Variants in DCC observed in about 807,000 individuals in gnomAD.
DCC encodes DCC netrin 1 receptor.
DCC carries 58 observed loss-of-function variants against 172.5 expected under a neutral mutation model. The observed-to-expected ratio is 0.34, with a 90% CI of 0.27 to 0.42. The LOEUF (loss-of-function observed/expected upper bound fraction) is 0.42, where lower values mean the gene tolerates loss of function less well. Ranked by LOEUF, DCC falls within the 10% of genes least tolerant of loss-of-function variation. The probability of loss-of-function intolerance (pLI) is 1.00; values close to 1 mark genes in which losing one functional copy is unlikely to be tolerated. For synonymous variants in DCC, 709 were observed against 644.5 expected, an observed-to-expected ratio of 1.10 and a Z score of -1.52; for missense variants, 1,740 against 1,791.0, an observed-to-expected ratio of 0.97 and a Z score of 0.51.
At chr18:52,871,242 T>TGG (rs972881622) in intron 2 of DCC, among the ~76,000 whole-genome samples, 3 of 151,872 alleles carry the variant, frequency 2.0e-5, no homozygotes, top group African/African-American at 7.3e-5. Flanking sequence ...CCCTCCACGG[T>TGG]GGAAACCAAG....
chr18:52,510,223 G>T (rs964214282), intron 1 of DCC, among the ~76,000 whole-genome samples: 3 of 151,922 alleles, frequency 2.0e-5, no homozygotes, highest in African/African-American at 7.3e-5. Context: ...ACCCTTTGAA[G>T]ACATAAGCCC....
At chr18:53,503,623 T>C (rs1404803395) in intron 27 of DCC, among the ~76,000 whole-genome samples, 3 of 152,176 alleles carry the variant, frequency 2.0e-5, no homozygotes, top group African/African-American at 7.2e-5. Flanking sequence ...AGATAGGGTG[T>C]GTGGGTTTTT....
At chr18:52,814,733 T>C (rs1221614989) in intron 2 of DCC, among the ~76,000 whole-genome samples, 1 of 152,196 alleles carries the variant, frequency 6.6e-6, no homozygotes, top group African/African-American at 2.4e-5. Context: ...CAAAAAGCCT[T>C]TCTTAAACTC....
At chr18:53,051,945 A>G (rs1292856300) in intron 5 of DCC, among the ~76,000 whole-genome samples, 2 of 152,030 alleles carry the variant, frequency 1.3e-5, no homozygotes, top group African/African-American at 4.8e-5. Flanking sequence ...TTGTGGGCTT[A>G]TGGCATCAGG....
At chr18:52,487,262 A>G (rs1450314605) in intron 1 of DCC, among the ~76,000 whole-genome samples, 1 of 152,112 alleles carries the variant, frequency 6.6e-6, no homozygotes, top group Non-Finnish European at 1.5e-5. Context: ...AGGGCACCTC[A>G]TTATCGTAAA....
intron 1 of DCC, among the ~76,000 whole-genome samples, chr18:52,371,480 C>A (rs902760380): frequency 3.3e-5 from 5 of 152,152 alleles, no homozygotes; most frequent in Non-Finnish European, 5.9e-5. Context: ...TTAGAGAGAA[C>A]GTTAGTGAAC....
chr18:52,551,519 C>T (rs554029341), intron 1 of DCC, among the ~76,000 whole-genome samples: 18 of 151,856 alleles, frequency 1.2e-4, no homozygotes, highest in Non-Finnish European at 2.4e-4. Context: ...GAAGAATCAA[C>T]AAGATTAAAA....
chr18:52,814,269 G>C (rs932265182), intron 2 of DCC, among the ~76,000 whole-genome samples: 1 of 152,218 alleles, frequency 6.6e-6, no homozygotes. Context: ...GAGCCAGCCA[G>C]TCTGGAGTGG....
chr18:53,096,137 C>A (rs1006395916), intron 7 of DCC, among the ~76,000 whole-genome samples: 1 of 151,628 alleles, frequency 6.6e-6, no homozygotes, highest in African/African-American at 2.4e-5. Context: ...CACATGTACC[C>A]TAAAACTTAA....
chr18:53,318,467 G>C (rs912432859), intron 13 of DCC, among the ~76,000 whole-genome samples: 3 of 152,136 alleles, frequency 2.0e-5, no homozygotes, highest in Non-Finnish European at 4.4e-5. Flanking sequence ...TGTTGATTTG[G>C]GGTGGAGAGT....
chr18:53,378,401 A>G (rs1907466351), intron 15 of DCC, among the ~76,000 whole-genome samples: 2 of 149,644 alleles, frequency 1.3e-5, no homozygotes, highest in African/African-American at 5.0e-5. Flanking sequence ...TTCAATGGCG[A>G]TTGTTGAGTG....
chr18:53,040,976 G>T (rs1358269558), intron 5 of DCC, among the ~76,000 whole-genome samples: 4 of 151,818 alleles, frequency 2.6e-5, no homozygotes, highest in African/African-American at 9.7e-5. Flanking sequence ...TTCTTCCATT[G>T]TGTAGGTTGC....
chr18:52,698,918 G>A (rs2036058374), intron 1 of DCC, among the ~76,000 whole-genome samples: 1 of 152,004 alleles, frequency 6.6e-6, no homozygotes, highest in Non-Finnish European at 1.5e-5. Flanking sequence ...CAAGATGAGA[G>A]TCTTAAAAAG....
At chr18:52,606,575 A>C (rs969356328) in intron 1 of DCC, among the ~76,000 whole-genome samples, 1 of 152,200 alleles carries the variant, frequency 6.6e-6, no homozygotes, top group Non-Finnish European at 1.5e-5. Context: ...AAATATTCTC[A>C]GAAGATAAAG....
At chr18:53,172,734 T>G (rs2055032629) in intron 8 of DCC, among the ~76,000 whole-genome samples, 1 of 152,132 alleles carries the variant, frequency 6.6e-6, no homozygotes, top group South Asian at 2.1e-4. Flanking sequence ...CAGCAGTCTC[T>G]GAGTGCTCAT....
intron 2 of DCC, among the ~76,000 whole-genome samples, chr18:52,861,385 T>C (rs1024258945): frequency 1.3e-5 from 2 of 152,162 alleles, no homozygotes; most frequent in African/African-American, 4.8e-5. Flanking sequence ...CCATTACCAG[T>C]CAAAGCCTTG....
At chr18:52,767,672 C>T (rs2037275212) in intron 2 of DCC, among the ~76,000 whole-genome samples, 1 of 152,100 alleles carries the variant, frequency 6.6e-6, no homozygotes, top group South Asian at 2.1e-4. Flanking sequence ...CCATTTTTCC[C>T]AAGTCTTATT....
intron 5 of DCC, among the ~76,000 whole-genome samples, chr18:53,008,881 C>A (rs751053960): frequency 6.6e-6 from 1 of 151,946 alleles, no homozygotes; most frequent in East Asian, 1.9e-4. Flanking sequence ...TCAATAATGT[C>A]AGAATCACTA....
intron 1 of DCC, among the ~76,000 whole-genome samples, chr18:52,467,977 G>A (rs546511166): frequency 1.2e-4 from 18 of 152,180 alleles, no homozygotes; most frequent in Admixed American, 7.2e-4. Context: ...GATTGCAACA[G>A]TTCCTATAGA....
Sources: gnomAD v4.1 joint callset for allele counts (sites outside exome capture counted in the v4.1 genomes callset) on GRCh38, gnomAD v4.1.1 for gene constraint, MANE v1.5 for transcripts, NCBI Gene and HGNC (gene_info 2026-07-23, HGNC 2026-07-21) for gene names.